SLC4A5: variants seen among roughly 807,000 people sequenced by gnomAD.
SLC4A5 encodes the protein solute carrier family 4 member 5.
Under a neutral mutation model 120.4 loss-of-function variants are expected in SLC4A5, and 96 were observed. That is an observed-to-expected ratio of 0.80 (90% CI 0.68 to 0.94). The LOEUF (loss-of-function observed/expected upper bound fraction) is 0.94, where lower values mean the gene tolerates loss of function less well. Among genes scored for constraint, SLC4A5 ranks in the 40% least tolerant of loss-of-function variants. The pLI is 0.00. For missense variants in SLC4A5, 1,259 were observed against 1,459.5 expected (o/e 0.86, Z 2.24); for synonymous variants, 550 against 571.1 (o/e 0.96, Z 0.53).
chr2:74,288,208 C>T (rs920874326), intron 7 of SLC4A5, among the ~76,000 whole-genome samples: 64 of 152,238 alleles, frequency 4.2e-4, no homozygotes, highest in African/African-American at 1.5e-3. Flanking sequence ...ACTGTGCCCA[C>T]GTTCCTGCTT....
intron 3 of SLC4A5, among the ~76,000 whole-genome samples, chr2:74,337,533 T>G (rs1192983906): frequency 2.0e-5 from 3 of 152,170 alleles, no homozygotes; most frequent in Admixed American, 1.3e-4. Flanking sequence ...AAACTAATTT[T>G]TTTACACACT....
intron 26 of SLC4A5, 176 bp downstream of exon 26, chr2:74,227,632 CAT>C (rs1384390243): frequency 7.6e-6 from 10 of 1,322,366 alleles, no homozygotes; most frequent in Admixed American, 2.0e-5. Flanking sequence ...AAGTGCCTAA[CAT>C]ATTTATTTTG....
chr2:74,275,625 C>T (rs373467754), intron 8 of SLC4A5, among the ~76,000 whole-genome samples: 8 of 152,300 alleles, frequency 5.3e-5, no homozygotes, highest in African/African-American at 1.9e-4. Context: ...TTCCCAAGGG[C>T]CAAGGTTGAG....
At chr2:74,238,101 C>A (rs1433443429) in intron 21 of SLC4A5, among the ~76,000 whole-genome samples, 1 of 151,332 alleles carries the variant, frequency 6.6e-6, no homozygotes, top group Non-Finnish European at 1.5e-5. Context: ...GACTCTGTCT[C>A]AAAAATAATA....
chr2:74,255,821 G>A lies in SLC4A5; in HGVS notation c.979C>T (p.Gln327Ter). The change falls in exon 13 of 31, where the codon CAG becomes TAG. Residue 327 changes from glutamine to a stop codon, truncating the protein, a stop_gained. Coordinates refer to ENST00000394019, the Ensembl canonical transcript of SLC4A5. LOFTEE classifies it high-confidence loss of function. The surrounding 1 kb of genome is among the most constrained non-coding windows in gnomAD (Gnocchi z 4.0). Reference sequence around the variant, plus strand: ...GTCACTCCTCCCAGCATGGCCGACTGGATGAGGCGCACGAACGCGATGAAT... The same window carrying A: ...GTCACTCCTCCCAGCATGGCCGACTAGATGAGGCGCACGAACGCGATGAAT... 1 of 1,614,190 alleles carries A rather than the reference G, an allele frequency of 6.2e-7. No individual in the cohort carries two copies. The highest frequency in any genetic ancestry group is 2.2e-5 in the East Asian group (1 of 44,870).
At chr2:74,325,567 C>G (rs1000482992) in intron 5 of SLC4A5, among the ~76,000 whole-genome samples, 3 of 152,168 alleles carry the variant, frequency 2.0e-5, no homozygotes, top group African/African-American at 7.2e-5. Flanking sequence ...AACTATACTG[C>G]CCACCATAAA....
chr2:74,276,345 T>C (rs1267015907), intron 8 of SLC4A5, among the ~76,000 whole-genome samples: 2 of 152,204 alleles, frequency 1.3e-5, no homozygotes, highest in Non-Finnish European at 2.9e-5. Context: ...CCACAGGACC[T>C]AACACAACAT....
At chr2:74,284,632 T>C (rs1671923991) in intron 8 of SLC4A5, among the ~76,000 whole-genome samples, 2 of 152,172 alleles carry the variant, frequency 1.3e-5, no homozygotes, top group African/African-American at 4.8e-5. Context: ...TCCCTCCCGC[T>C]GCCTCTTACC....
At chr2:74,296,592 T>G (rs1672332966) in intron 7 of SLC4A5, among the ~76,000 whole-genome samples, 1 of 127,688 alleles carries the variant, frequency 7.8e-6, no homozygotes. Flanking sequence ...GCCAACATGG[T>G]GAAACCCGTC....
Position 74,218,658 on chromosome 2 carries a change from C to T in SLC4A5, c.*168G>A, listed in dbSNP as rs555910104. The T allele has an allele frequency of 4.6e-5, 7 of 152,710 alleles. No homozygotes were observed. In the East Asian group the frequency reaches 5.8e-4, roughly 13 times the overall value. 9.5% of individuals were successfully genotyped at this position (152,710 alleles called of 1,614,324 possible). A position where few individuals can be genotyped will look rare whatever the true frequency, so the allele number is the denominator to read the frequency against. ...GGTGGTCTCACTGTCAGTTTCTCTT[C>T]GGTATTTATCCATGTCTGTGAAGTC... On this transcript the variant is annotated 3_prime_UTR_variant, in exon 31 of 31. Coordinates refer to ENST00000394019, the Ensembl canonical transcript of SLC4A5.
At chr2:74,278,048 T>G (rs1671700203) in intron 8 of SLC4A5, among the ~76,000 whole-genome samples, 1 of 152,226 alleles carries the variant, frequency 6.6e-6, no homozygotes, top group Non-Finnish European at 1.5e-5. Context: ...ATAAAAAGTT[T>G]AAATATATAT....
chr2:74,288,636 C>G (rs1672061212), intron 7 of SLC4A5, among the ~76,000 whole-genome samples: 1 of 152,098 alleles, frequency 6.6e-6, no homozygotes, highest in South Asian at 2.1e-4. Context: ...ATCTTGTTCT[C>G]TCTTCTCTCT....
At chr2:74,335,603 A>T (rs1308686462) in intron 3 of SLC4A5, among the ~76,000 whole-genome samples, 1 of 152,172 alleles carries the variant, frequency 6.6e-6, no homozygotes, top group African/African-American at 2.4e-5. Context: ...ATGTCAACCT[A>T]AAATAAGAGG....
intron 4 of SLC4A5, among the ~76,000 whole-genome samples, chr2:74,328,685 A>G (rs1673277788): frequency 6.6e-6 from 1 of 152,032 alleles, no homozygotes; most frequent in Non-Finnish European, 1.5e-5. Context: ...TACTGGCATG[A>G]CCCCAGTTGG....
At chr2:74,264,506 G>T (rs1671240506) in intron 9 of SLC4A5, among the ~76,000 whole-genome samples, 1 of 151,926 alleles carries the variant, frequency 6.6e-6, no homozygotes, top group Non-Finnish European at 1.5e-5. Flanking sequence ...GTGTGTGTGT[G>T]TGTGTGTGTG....
chr2:74,318,208 A>C (rs1673013045), intron 5 of SLC4A5, among the ~76,000 whole-genome samples: 1 of 152,220 alleles, frequency 6.6e-6, no homozygotes, highest in African/African-American at 2.4e-5. Flanking sequence ...CAAACAACTC[A>C]AAAAGAAAAA....
intron 7 of SLC4A5, among the ~76,000 whole-genome samples, chr2:74,292,400 A>C (rs930915247): frequency 4.6e-5 from 7 of 152,080 alleles, no homozygotes; most frequent in African/African-American, 1.7e-4. Flanking sequence ...CTGCCCACAG[A>C]AGGTTTAGCT....
At chr2:74,273,213 C>T (rs1387089386) in intron 8 of SLC4A5, among the ~76,000 whole-genome samples, 2 of 152,292 alleles carry the variant, frequency 1.3e-5, no homozygotes, top group East Asian at 3.9e-4. Flanking sequence ...GGAGAATATA[C>T]ATAAACATTG....
intron 7 of SLC4A5, among the ~76,000 whole-genome samples, chr2:74,295,396 G>A (rs956129337): frequency 3.9e-5 from 6 of 152,186 alleles, no homozygotes; most frequent in African/African-American, 1.4e-4. Flanking sequence ...GACTTTGGGA[G>A]GCCGAAGTGG....
Sources: gnomAD v4.1 joint callset for allele counts (sites outside exome capture counted in the v4.1 genomes callset) on GRCh38, gnomAD v4.1.1 for gene constraint, Gnocchi (gnomAD v3.1) non-coding constraint, MANE v1.5 for transcripts, NCBI Gene and HGNC (gene_info 2026-07-23, HGNC 2026-07-21) for gene names.